The following CDH4 variants were observed in gnomAD, a reference collection of about 807,000 sequenced individuals.
The protein encoded by CDH4 is cadherin 4, also known as cadherin-4.
In CDH4, 33 loss-of-function variants were observed where a neutral mutation model predicts 86.0. The ratio of observed to expected loss-of-function variants is 0.38; its 90% CI spans 0.29 to 0.51. CDH4 has a LOEUF of 0.51. Ranked by LOEUF, CDH4 falls within the 20% of genes least tolerant of loss-of-function variation. The pLI is 0.86. For synonymous variants in CDH4, 555 were observed against 549.4 expected (o/e 1.01, Z -0.14); for missense variants, 1,114 against 1,307.4 (o/e 0.85, Z 2.28).
At chr20:61,653,496 CT>C (rs1345384216) in intron 2 of CDH4, among the ~76,000 whole-genome samples, 1 of 141,712 alleles carries the variant, frequency 7.1e-6, no homozygotes, top group Admixed American at 7.0e-5. Context: ...GGGCTCCTCA[CT>C]TCCCAGTAGG....
intron 2 of CDH4, among the ~76,000 whole-genome samples, chr20:61,603,837 G>A (rs140891411): frequency 1.3e-5 from 2 of 152,264 alleles, no homozygotes; most frequent in African/African-American, 4.8e-5. Flanking sequence ...GAGAAAATAG[G>A]GGAAAATAGG....
At chr20:61,910,934 C>G (rs1470269970) in intron 9 of CDH4, among the ~76,000 whole-genome samples, 1 of 152,202 alleles carries the variant, frequency 6.6e-6, no homozygotes, top group East Asian at 1.9e-4. Context: ...ATTCCTGAGA[C>G]AGATCCCACT....
chr20:61,617,441 A>C (rs2145768408), intron 2 of CDH4, among the ~76,000 whole-genome samples: 1 of 152,358 alleles, frequency 6.6e-6, no homozygotes, highest in South Asian at 2.1e-4. Context: ...GCCATCCCAC[A>C]GGCTGGGGAG....
intron 2 of CDH4, among the ~76,000 whole-genome samples, chr20:61,554,762 T>C (rs1285728647): frequency 6.6e-6 from 1 of 152,238 alleles, no homozygotes; most frequent in Admixed American, 6.5e-5. Flanking sequence ...AACATATATG[T>C]GCATATGTGC....
chr20:61,540,054 G>C (rs1242200327), intron 2 of CDH4, among the ~76,000 whole-genome samples: 2 of 152,160 alleles, frequency 1.3e-5, no homozygotes, highest in Non-Finnish European at 2.9e-5. Context: ...TGGTGGTCAG[G>C]TGTAGACCTG....
chr20:61,881,372 G>C (rs898050564), intron 7 of CDH4, among the ~76,000 whole-genome samples: 1 of 152,222 alleles, frequency 6.6e-6, no homozygotes, highest in African/African-American at 2.4e-5. Context: ...GTGTGGTCCC[G>C]GGCAGGGCTG....
Position 61,763,825 on chromosome 20 carries a change from C to T in CDH4, c.397-9178C>T, listed in dbSNP as rs527246511. Among the ~76,000 whole-genome samples, 179 of 152,242 alleles carry T rather than the reference C, an allele frequency of 1.2e-3. 7 individuals are homozygous for T. In the South Asian group the frequency reaches 0.031, roughly 26 times the overall value. ...CATAATTCCCGGCTCCTAACAGATG[C>T]GTGGATTCGAGAATAAAAAATATAA... On this transcript the variant is annotated intron_variant, in intron 3 of 15. Coordinates refer to ENST00000614565, the MANE Select transcript of CDH4 (RefSeq NM_001794.5).
At chr20:61,785,154 T>C (rs1028545053) in intron 4 of CDH4, among the ~76,000 whole-genome samples, 1 of 152,178 alleles carries the variant, frequency 6.6e-6, no homozygotes, top group Non-Finnish European at 1.5e-5. Flanking sequence ...TCTCCTCCGA[T>C]GGCTTCTCTG....
intron 9 of CDH4, among the ~76,000 whole-genome samples, chr20:61,911,227 C>T (rs776178273): frequency 6.6e-6 from 1 of 152,102 alleles, no homozygotes; most frequent in Non-Finnish European, 1.5e-5. Flanking sequence ...GGAGAGAGAT[C>T]GGTTTGTAAC....
At chr20:61,284,218 G>A (rs1337981418) in intron 2 of CDH4, among the ~76,000 whole-genome samples, 5 of 152,058 alleles carry the variant, frequency 3.3e-5, no homozygotes, top group African/African-American at 9.7e-5. Context: ...GGGAGGCTGA[G>A]GCAGGAGAAT....
chr20:61,497,044 A>T (rs1053440054), intron 2 of CDH4, among the ~76,000 whole-genome samples: 6 of 150,526 alleles, frequency 4.0e-5, no homozygotes, highest in African/African-American at 1.5e-4. Flanking sequence ...ATCAGCCGTG[A>T]ATAAGCCTCT....
intron 5 of CDH4, among the ~76,000 whole-genome samples, chr20:61,846,248 G>A (rs1982447743): frequency 6.6e-6 from 1 of 152,234 alleles, no homozygotes; most frequent in Non-Finnish European, 1.5e-5. Flanking sequence ...GTGTTGGGGA[G>A]ACCTGATTGA....
chr20:61,636,247 C>T (rs528620541), intron 2 of CDH4, among the ~76,000 whole-genome samples: 2 of 152,130 alleles, frequency 1.3e-5, no homozygotes, highest in East Asian at 3.9e-4. Context: ...CCATGAATCG[C>T]ATAAGAAAAA....
At chr20:61,383,543 A>G (rs1251942815) in intron 2 of CDH4, among the ~76,000 whole-genome samples, 1 of 104,036 alleles carries the variant, frequency 9.6e-6, no homozygotes, top group Non-Finnish European at 1.7e-5. Flanking sequence ...ATGAATATAT[A>G]TGAATATATA....
chr20:61,404,243 G>A (rs1387710366), intron 2 of CDH4, among the ~76,000 whole-genome samples: 2 of 152,028 alleles, frequency 1.3e-5, no homozygotes, highest in South Asian at 2.1e-4. Context: ...TGCTTCTGCA[G>A]CCCCCGCCCC....
chr20:61,369,347 A>G (rs2084827341), intron 2 of CDH4, among the ~76,000 whole-genome samples: 1 of 146,282 alleles, frequency 6.8e-6, no homozygotes, highest in Admixed American at 6.9e-5. Context: ...GCTACTCAGG[A>G]GGCTGAGGTG....
At chr20:61,579,043 C>G (rs1300067619) in intron 2 of CDH4, among the ~76,000 whole-genome samples, 1 of 152,166 alleles carries the variant, frequency 6.6e-6, no homozygotes, top group African/African-American at 2.4e-5. Flanking sequence ...TGATCATCCT[C>G]AGTCCTGCGG....
chr20:61,679,891 C>A (rs766489012), intron 2 of CDH4, among the ~76,000 whole-genome samples: 1 of 152,230 alleles, frequency 6.6e-6, no homozygotes, highest in Non-Finnish European at 1.5e-5. Flanking sequence ...AGGCTCTTCA[C>A]CAGGTTCTCA....
intron 2 of CDH4, among the ~76,000 whole-genome samples, chr20:61,712,010 T>C (rs1307172269): frequency 6.6e-6 from 1 of 151,838 alleles, no homozygotes; most frequent in Non-Finnish European, 1.5e-5. Context: ...GCAGGAGGGG[T>C]CCCCAGGGGG....
Sources: gnomAD v4.1 joint callset for allele counts (sites outside exome capture counted in the v4.1 genomes callset) on GRCh38, gnomAD v4.1.1 for gene constraint, MANE v1.5 for transcripts, NCBI Gene and HGNC (gene_info 2026-07-23, HGNC 2026-07-21) for gene names.